Variants in PCLO observed in about 807,000 individuals in gnomAD.
PCLO encodes the protein protein piccolo.
Under a neutral mutation model 427.5 loss-of-function variants are expected in PCLO, and 82 were observed. That is an observed-to-expected ratio of 0.19 (90% CI 0.16 to 0.23). PCLO has a LOEUF of 0.23. Ranked by LOEUF, PCLO falls within the 10% of genes least tolerant of loss-of-function variation. The pLI is 1.00. For missense variants in PCLO, 6,239 were observed against 6,115.9 expected, an observed-to-expected ratio of 1.02 and a Z score of -0.67; for synonymous variants, 2,357 against 2,155.4, an observed-to-expected ratio of 1.09 and a Z score of -2.59.
chr7:82,820,970 A>G, intron 20 of PCLO: 1 of 1,228,500 alleles, frequency 8.1e-7, no homozygotes, highest in East Asian at 3.2e-5. Context: ...GTGATGATGA[A>G]GTCCTGAAAT....
intron 4 of PCLO, among the ~76,000 whole-genome samples, chr7:82,958,035 T>C (rs971454362): frequency 6.6e-6 from 1 of 152,198 alleles, no homozygotes; most frequent in African/African-American, 2.4e-5. Context: ...ATAAAACTGA[T>C]TCAGTTAGTT....
At chr7:82,860,642 T>C (rs1792928848) in intron 10 of PCLO, among the ~76,000 whole-genome samples, 1 of 152,046 alleles carries the variant, frequency 6.6e-6, no homozygotes, top group East Asian at 1.9e-4. Context: ...GGTAATAGTA[T>C]GTACACAGAG....
chr7:82,907,561 C>A (rs941230783), intron 8 of PCLO, among the ~76,000 whole-genome samples: 1 of 151,770 alleles, frequency 6.6e-6, no homozygotes, highest in African/African-American at 2.4e-5. Context: ...TGAAACACAA[C>A]CACAAATACA....
chr7:82,845,770 T>C (rs2115809478), intron 12 of PCLO, among the ~76,000 whole-genome samples: 1 of 152,320 alleles, frequency 6.6e-6, no homozygotes, highest in South Asian at 2.1e-4. Context: ...GTTTGAATGA[T>C]GCAATATCCT....
chr7:83,003,120 T>A (rs1382296254), intron 3 of PCLO, among the ~76,000 whole-genome samples: 1 of 151,446 alleles, frequency 6.6e-6, no homozygotes, highest in Admixed American at 6.6e-5. Context: ...ACCTATATTT[T>A]ATATTTTATC....
chr7:83,095,110 G>A (rs1301433274), intron 3 of PCLO, among the ~76,000 whole-genome samples: 2 of 152,022 alleles, frequency 1.3e-5, no homozygotes, highest in Admixed American at 1.3e-4. Flanking sequence ...TTTTGTGGGA[G>A]TTTTAAAATT....
intron 10 of PCLO, among the ~76,000 whole-genome samples, chr7:82,878,582 G>A (rs1470171619): frequency 6.6e-6 from 1 of 152,060 alleles, no homozygotes; most frequent in Non-Finnish European, 1.5e-5. Flanking sequence ...TTTTCATTAT[G>A]TATTTTGAGA....
intron 22 of PCLO, among the ~76,000 whole-genome samples, chr7:82,785,674 C>T (rs995632256): frequency 6.6e-6 from 1 of 151,840 alleles, no homozygotes; most frequent in African/African-American, 2.4e-5. Context: ...GGAGAGCGCC[C>T]ACAGATAGGT....
At chr7:82,976,035 A>G (rs1226628251) in intron 3 of PCLO, among the ~76,000 whole-genome samples, 2 of 152,196 alleles carry the variant, frequency 1.3e-5, no homozygotes, top group Admixed American at 1.3e-4. Flanking sequence ...TGTCTAATAC[A>G]GTTTATCACA....
intron 9 of PCLO, among the ~76,000 whole-genome samples, chr7:82,896,902 T>A (rs1006671210): frequency 3.3e-5 from 5 of 151,734 alleles, no homozygotes; most frequent in African/African-American, 1.2e-4. Context: ...GCCTTGCAGA[T>A]GTAGCCAGTC....
chr7:83,127,461 C>T (rs968762858), intron 3 of PCLO, among the ~76,000 whole-genome samples: 2 of 151,998 alleles, frequency 1.3e-5, no homozygotes, highest in Non-Finnish European at 2.9e-5. Context: ...CACTTTCAGG[C>T]ATGCAGAGGG....
At chr7:82,817,416 A>C (rs1453384676) in intron 20 of PCLO, among the ~76,000 whole-genome samples, 1 of 152,132 alleles carries the variant, frequency 6.6e-6, no homozygotes, top group African/African-American at 2.4e-5. Flanking sequence ...GGGAAGGCTA[A>C]ATTCCTTCTG....
In PCLO at chr7:82,956,870, G is replaced by A. The variant is rs774676220; in HGVS notation, c.4083C>T (p.Ser1361=). ...TTCCATCGGAAGAATATCCCGTGTC[G>A]CTCAGACCTTGGGGGCTTTTAGGCT... is the stretch of plus-strand genomic sequence containing the variant. The part of the protein sequence containing the change: ...SQQPKSPQGL[S]DTGYSSDGIS... Residue 1361 remains serine (S), a synonymous_variant, in exon 5 of 25, where the codon AGC becomes AGT. Coordinates refer to ENST00000333891, the MANE Select transcript of PCLO (RefSeq NM_033026.6). The A allele has an allele frequency of 1.4e-5, 23 of 1,613,556 alleles. No homozygotes were observed. Among genetic ancestry groups the A allele is most frequent in the South Asian group, 5.5e-5 (5 of 91,056 alleles).
At chr7:83,066,291 TATTG>T (rs1789669492) in intron 3 of PCLO, among the ~76,000 whole-genome samples, 1 of 152,160 alleles carries the variant, frequency 6.6e-6, no homozygotes, top group Non-Finnish European at 1.5e-5. Flanking sequence ...ACATTTATTG[TATTG>T]ATTATGTTAA....
At chr7:82,803,786 A>G (rs1012910822) in intron 21 of PCLO, among the ~76,000 whole-genome samples, 1 of 152,192 alleles carries the variant, frequency 6.6e-6, no homozygotes, top group South Asian at 2.1e-4. Context: ...ACTGCCAAAT[A>G]CTACTTCTTA....
intron 3 of PCLO, among the ~76,000 whole-genome samples, chr7:83,067,204 T>C (rs1486635610): frequency 6.6e-6 from 1 of 152,164 alleles, no homozygotes; most frequent in Non-Finnish European, 1.5e-5. Flanking sequence ...GTCCCAAGCA[T>C]TTCAGATAAG....
intron 6 of PCLO, among the ~76,000 whole-genome samples, chr7:82,921,340 C>G (rs1253720141): frequency 6.6e-6 from 1 of 151,608 alleles, no homozygotes; most frequent in Non-Finnish European, 1.5e-5. Context: ...TACTATCCAA[C>G]TTTATACTAC....
At chr7:82,909,153 GA>G (rs1348183427) in intron 7 of PCLO, 140 bp from the exon 8 acceptor site, 3 of 716,086 alleles carry the variant, frequency 4.2e-6, no homozygotes, top group Non-Finnish European at 6.4e-6. Context: ...CTTGGGACTA[GA>G]AAAATTATTT....
chr7:82,961,162 T>C lies in PCLO; in HGVS notation c.4018-4227A>G, dbSNP rs138256533. 4.4e-3 allele frequency among the ~76,000 whole-genome samples: 664 copies of C among 152,320 alleles called. 2 individuals carry two copies. The highest frequency in any genetic ancestry group is 0.015 in the African/African-American group (623 of 41,568). ...TGTTTTGACTGTAAATAAAAACTAATTAATAAATTAATCATTGCAGAAAAT... is the reference window on the plus strand; with the variant it reads ...TGTTTTGACTGTAAATAAAAACTAACTAATAAATTAATCATTGCAGAAAAT... On this transcript the variant is annotated intron_variant, in intron 4 of 24. Transcript: ENST00000333891.
Sources: allele counts gnomAD v4.1 joint callset (sites outside exome capture counted in the v4.1 genomes callset), GRCh38; gene constraint gnomAD v4.1.1; transcripts MANE v1.5; gene names NCBI Gene and HGNC (gene_info 2026-07-23, HGNC 2026-07-21).